NXPE1: variants seen among roughly 807,000 people sequenced by gnomAD.
The protein encoded by NXPE1 is NXPE family member 1.
A neutral mutation model predicts 33.3 loss-of-function variants in NXPE1; 31 were observed. The ratio of observed to expected loss-of-function variants is 0.93; its 90% CI spans 0.70 to 1.26. The LOEUF (loss-of-function observed/expected upper bound fraction) is 1.26, where lower values mean the gene tolerates loss of function less well. Ranked by LOEUF, NXPE1 falls within the 50% of genes most tolerant of loss-of-function variation. The pLI is 0.00. For synonymous variants in NXPE1, 229 were observed against 231.4 expected, an observed-to-expected ratio of 0.99 and a Z score of 0.09; for missense variants, 661 against 655.6, an observed-to-expected ratio of 1.01 and a Z score of -0.09.
At chr11:114,530,934 C>T (rs1436748682) in intron 5 of NXPE1, 26 bp from the exon 6 acceptor site, 2 of 1,556,832 alleles carry the variant, frequency 1.3e-6, no homozygotes, top group South Asian at 2.4e-5. Flanking sequence ...TTGTGATATA[C>T]TATGAAATTA....
intron 1 of NXPE1, among the ~76,000 whole-genome samples, chr11:114,556,548 C>T (rs1948651906): frequency 6.6e-6 from 1 of 151,866 alleles, no homozygotes; most frequent in Non-Finnish European, 1.5e-5. Flanking sequence ...AGTTGCTTTG[C>T]ACAGTACACA....
intron 1 of NXPE1, among the ~76,000 whole-genome samples, chr11:114,557,963 A>G (rs1292368129): frequency 2.0e-5 from 3 of 151,684 alleles, no homozygotes; most frequent in African/African-American, 7.3e-5. Flanking sequence ...ATGTTACCTC[A>G]TTTTCCTTCT....
chr11:114,536,508 A>G (rs1288669476), intron 5 of NXPE1, among the ~76,000 whole-genome samples: 2 of 152,182 alleles, frequency 1.3e-5, no homozygotes, highest in Non-Finnish European at 2.9e-5. Flanking sequence ...TTTTTTGAAA[A>G]GATCAACAAA....
chr11:114,554,730 A>G (rs1274747787), intron 1 of NXPE1, among the ~76,000 whole-genome samples: 1 of 152,232 alleles, frequency 6.6e-6, no homozygotes, highest in East Asian at 1.9e-4. Flanking sequence ...TCGCTAAGCC[A>G]CAGGCATTGC....
chr11:114,522,048 C>T (rs759546535), exon 9 of NXPE1: 2 of 1,613,838 alleles, frequency 1.2e-6, no homozygotes, highest in Admixed American at 3.3e-5. Flanking sequence ...GTGCCATATG[C>T]AATGGTCATG....
At chr11:114,528,813 A>C (rs1464392340) in intron 6 of NXPE1, 2 of 680,322 alleles carry the variant, frequency 2.9e-6, no homozygotes, top group South Asian at 3.1e-5. Flanking sequence ...CCTGCTATAG[A>C]TGTCTCTCCA....
At chr11:114,549,793 T>C (rs1481692078) in intron 5 of NXPE1, among the ~76,000 whole-genome samples, 8 of 152,088 alleles carry the variant, frequency 5.3e-5, no homozygotes, top group Non-Finnish European at 1.0e-4. Context: ...AAATAATCTT[T>C]ATTTTCAGAT....
downstream of NXPE1, among the ~76,000 whole-genome samples, chr11:114,519,446 G>T (rs1215997885): frequency 6.6e-6 from 1 of 152,302 alleles, no homozygotes; most frequent in South Asian, 2.1e-4. Flanking sequence ...GCAAAACTTA[G>T]TCTCTTTCCT....
chr11:114,552,845 T>C lies in NXPE1; in HGVS notation c.-182+7A>G. The C allele has an allele frequency of 1.0e-6, 1 of 971,016 alleles. No individual in the cohort carries two copies. The highest frequency in any genetic ancestry group is 1.2e-6 in the Non-Finnish European group (1 of 816,852). 60.2% of individuals were successfully genotyped at this position (971,016 alleles called of 1,614,324 possible). Reference sequence around the variant, plus strand: ...TAAACTTATTCTGTAAAATACTGGGTACTTACCCAATAGGTGTCAGGTAGC... The same window carrying C: ...TAAACTTATTCTGTAAAATACTGGGCACTTACCCAATAGGTGTCAGGTAGC... On this transcript the variant is annotated splice_region_variant and intron_variant, in intron 2 of 8. Transcript: ENST00000534921.
At chr11:114,553,976 A>T (rs1320186933) in intron 1 of NXPE1, 2 of 985,230 alleles carry the variant, frequency 2.0e-6, no homozygotes, top group Non-Finnish European at 2.4e-6. Context: ...GCTCATAGGA[A>T]TCTCAAAGTC....
At position 114,535,260 on chromosome 11, in the gene NXPE1, C is replaced by A. The variant is rs897267174; in HGVS notation, c.100-4352G>T. Among the ~76,000 whole-genome samples, 3 of 152,210 alleles carry A rather than the reference C, an allele frequency of 2.0e-5. No individual in the cohort carries two copies. The East Asian group carries it at 5.8e-4, about 29-fold the overall frequency. On this transcript the variant is annotated intron_variant, in intron 5 of 8. Transcript: ENST00000534921. ...AGATTTTGTCACCACCAGGCCTGCC[C>A]TAAAAGAGCTCCTGAAGGAAGCACT... is the stretch of plus-strand genomic sequence containing the variant.
At chr11:114,553,037 T>C (rs1948550496) in intron 1 of NXPE1, among the ~76,000 whole-genome samples, 157 bp from the exon 2 acceptor site, 1 of 152,206 alleles carries the variant, frequency 6.6e-6, no homozygotes, top group East Asian at 1.9e-4. Context: ...GAAATTCTTA[T>C]TACCTCCTCC....
At chr11:114,524,878 A>C (rs1010189825) in intron 7 of NXPE1, among the ~76,000 whole-genome samples, 14 of 152,212 alleles carry the variant, frequency 9.2e-5, no homozygotes, top group Admixed American at 2.0e-4. Flanking sequence ...GGGTAATAAT[A>C]TCAGGATTCT....
intron 5 of NXPE1, among the ~76,000 whole-genome samples, chr11:114,543,770 T>A (rs1168391538): frequency 6.6e-6 from 1 of 152,104 alleles, no homozygotes; most frequent in East Asian, 1.9e-4. Flanking sequence ...GAGACATACA[T>A]ATTGGAAAGG....
chr11:114,530,878 C>G (rs757880682), exon 6 of NXPE1: 26 of 1,612,548 alleles, frequency 1.6e-5, no homozygotes, highest in South Asian at 5.5e-5. Context: ...CAGTAATGGA[C>G]AGAGATGGAT....
chr11:114,543,565 C>T (rs1188079070), intron 5 of NXPE1, among the ~76,000 whole-genome samples: 2 of 151,530 alleles, frequency 1.3e-5, no homozygotes, highest in African/African-American at 2.4e-5. Flanking sequence ...AGCCAAATCA[C>T]TGTGGCTTAC....
intron 5 of NXPE1, among the ~76,000 whole-genome samples, chr11:114,538,260 C>G (rs1399433576): frequency 3.9e-5 from 6 of 152,192 alleles, no homozygotes; most frequent in Non-Finnish European, 8.8e-5. Flanking sequence ...CTTCCTTACA[C>G]CTTATACAAA....
At chr11:114,523,010 A>T (rs776367527) in exon 8 of NXPE1, 2 of 1,613,628 alleles carry the variant, frequency 1.2e-6, no homozygotes, top group Non-Finnish European at 1.7e-6. Context: ...AAATGTTGTT[A>T]TCCATTTTCC....
intron 5 of NXPE1, among the ~76,000 whole-genome samples, chr11:114,539,883 T>A (rs1364181746): frequency 2.6e-5 from 4 of 152,068 alleles, no homozygotes; most frequent in African/African-American, 9.7e-5. Context: ...ATCAAGAAAA[T>A]GGTTTCACTA....
Sources: gnomAD v4.1 joint callset for allele counts (sites outside exome capture counted in the v4.1 genomes callset) on GRCh38, gnomAD v4.1.1 for gene constraint, MANE v1.5 for transcripts, NCBI Gene and HGNC (gene_info 2026-07-23, HGNC 2026-07-21) for gene names.